ANKS1A: variants seen among roughly 807,000 people sequenced by gnomAD.
ANKS1A encodes the protein ankyrin repeat and sterile alpha motif domain containing 1A.
A neutral mutation model predicts 120.3 loss-of-function variants in ANKS1A; 55 were observed. The ratio of observed to expected loss-of-function variants is 0.46; its 90% CI spans 0.37 to 0.57. The LOEUF (loss-of-function observed/expected upper bound fraction) is 0.57. ANKS1A is among the 20% of genes least tolerant of loss of function. ANKS1A has a pLI of 0.00. For missense variants in ANKS1A, 1,123 were observed against 1,480.3 expected (o/e 0.76, Z 3.96); for synonymous variants, 590 against 604.7 (o/e 0.98, Z 0.36).
At chr6:35,068,757 C>G (rs1776921223) in intron 13 of ANKS1A, among the ~76,000 whole-genome samples, 1 of 152,130 alleles carries the variant, frequency 6.6e-6, no homozygotes, top group African/African-American at 2.4e-5. Context: ...TCTTCTCTTG[C>G]AAGAGAGGAG....
intron 13 of ANKS1A, among the ~76,000 whole-genome samples, chr6:35,076,283 T>C (rs2494098): frequency 0.8 from 121,662 of 151,612 alleles, 49,711 homozygotes; most frequent in South Asian, 0.92. Context: ...ATTAGCCAGG[T>C]GTGGTGGCGT....
intron 1 of ANKS1A, among the ~76,000 whole-genome samples, chr6:34,950,948 T>G (rs1027938580): frequency 6.6e-6 from 1 of 152,084 alleles, no homozygotes; most frequent in Non-Finnish European, 1.5e-5. Context: ...TCAAGCAGAG[T>G]CTTTGCCAGT....
chr6:34,937,224 A>G (rs1486294696), intron 1 of ANKS1A, among the ~76,000 whole-genome samples: 1 of 152,032 alleles, frequency 6.6e-6, no homozygotes, highest in Non-Finnish European at 1.5e-5. Context: ...TAATCCCAGC[A>G]CTTTGGGAGG....
rs1581764641 is a variant in ANKS1A at position 35,086,263 on chromosome 6, A to C, written c.3303+327A>C. On this transcript the variant is annotated intron_variant, in intron 22 of 23. Transcript: ENST00000360359. This position sits in a 1 kb window ranked among gnomAD's most constrained non-coding sequence, Gnocchi z 5.1. Reference sequence around the variant, plus strand: ...TGTGTCTGTGTCTGCTTTGCTCTGCACCCCAGGTGCCGCTGCCCCCCGATA... The same window carrying C: ...TGTGTCTGTGTCTGCTTTGCTCTGCCCCCCAGGTGCCGCTGCCCCCCGATA... 4 of 1,348,602 alleles carry C rather than the reference A, an allele frequency of 3.0e-6. No homozygotes were observed. The highest frequency in any genetic ancestry group is 3.9e-6 in the Non-Finnish European group (4 of 1,027,858). 83.5% of individuals were successfully genotyped at this position (1,348,602 alleles called of 1,614,324 possible). A position where few individuals can be genotyped will look rare whatever the true frequency, so the allele number is the denominator to read the frequency against.
At chr6:35,018,826 C>T (rs1235983346) in intron 11 of ANKS1A, among the ~76,000 whole-genome samples, 1 of 152,162 alleles carries the variant, frequency 6.6e-6, no homozygotes, top group Non-Finnish European at 1.5e-5. Flanking sequence ...TAATGGCCTC[C>T]AGCTGCATCC....
intron 1 of ANKS1A, among the ~76,000 whole-genome samples, chr6:34,945,767 G>A (rs1042046287): frequency 6.6e-6 from 1 of 152,104 alleles, no homozygotes; most frequent in African/African-American, 2.4e-5. Flanking sequence ...CAGATAATCT[G>A]TTCTTCCTTG....
intron 1 of ANKS1A, among the ~76,000 whole-genome samples, chr6:34,926,210 C>T (rs1768708459): frequency 6.6e-6 from 1 of 152,136 alleles, no homozygotes; most frequent in South Asian, 2.1e-4. Context: ...GGTGTGCCAC[C>T]GTGCAGAGGA....
intron 1 of ANKS1A, among the ~76,000 whole-genome samples, chr6:34,913,617 A>T (rs1170642381): frequency 6.6e-6 from 1 of 151,014 alleles, no homozygotes; most frequent in African/African-American, 2.4e-5. Context: ...TAAACAAAAT[A>T]GTTTGTTGTT....
At chr6:35,080,160 C>T (rs1197841722) in intron 16 of ANKS1A, among the ~76,000 whole-genome samples, 1 of 152,020 alleles carries the variant, frequency 6.6e-6, no homozygotes, top group Non-Finnish European at 1.5e-5. Context: ...AACACCAGGC[C>T]ATGGCTGGGT....
At chr6:35,008,000 C>T (rs979351226) in intron 10 of ANKS1A, among the ~76,000 whole-genome samples, 3 of 152,106 alleles carry the variant, frequency 2.0e-5, no homozygotes, top group African/African-American at 4.8e-5. Context: ...GGTGTGCTTC[C>T]GTCTGTAGTC....
At chr6:34,915,785 G>C (rs1377501437) in intron 1 of ANKS1A, among the ~76,000 whole-genome samples, 1 of 151,994 alleles carries the variant, frequency 6.6e-6, no homozygotes, top group East Asian at 1.9e-4. Context: ...TCCATTTTGA[G>C]GTGGACCATC....
At chr6:35,008,137 A>T (rs1007524615) in intron 10 of ANKS1A, among the ~76,000 whole-genome samples, 14 of 152,228 alleles carry the variant, frequency 9.2e-5, no homozygotes, top group African/African-American at 3.1e-4. Context: ...GTATGTTTGG[A>T]TGCTTTTTCC....
In ANKS1A at chr6:34,994,419, A is replaced by G. The variant is rs1464440897; in HGVS notation, c.1420A>G (p.Lys474Glu). Residue 474 changes from lysine to glutamate, a missense_variant, in exon 10 of 24, where the codon AAA becomes GAA. Coordinates refer to ENST00000360359, the MANE Select transcript of ANKS1A (RefSeq NM_015245.3). ...KKVVLVDGKT[K>E]DHRRSSSSRS... is the part of the protein sequence containing the mutation. ...AGTGGTGTTGGTGGATGGAAAAACA[A>G]AAGGTACGTTCCCCACAACTCCTGG... The G allele has an allele frequency of 1.8e-5, 29 of 1,611,650 alleles. No individual in the cohort carries two copies. The highest frequency in any genetic ancestry group is 2.4e-5 in the Non-Finnish European group (28 of 1,178,368).
rs118054661 is a variant in ANKS1A, at chr6:35,082,244, G to A, written c.2710-447G>A. Among the ~76,000 whole-genome samples the A allele has an allele frequency of 3.8e-4, 57 of 151,972 alleles. No individual in the cohort carries two copies. In the East Asian group the frequency reaches 7.6e-3, roughly 20 times the overall value. On this transcript the variant is annotated intron_variant, in intron 17 of 23. Transcript: ENST00000360359. This position sits in a 1 kb window ranked among gnomAD's most constrained non-coding sequence, Gnocchi z 4.1. ...TTGGAATGCATTCCTAGGCACGGGC[G>A]GGTGCTTCACTGGCTTCCCCGCTGT...
intron 11 of ANKS1A, among the ~76,000 whole-genome samples, chr6:35,033,758 A>C (rs1452586061): frequency 1.3e-5 from 2 of 152,240 alleles, no homozygotes; most frequent in African/African-American, 4.8e-5. Context: ...GATTGATCTC[A>C]ATGAAGAACG....
chr6:34,994,503 TC>T (rs1772746730), intron 10 of ANKS1A, 81 bp downstream of exon 10: 1 of 1,551,200 alleles, frequency 6.4e-7, no homozygotes, highest in South Asian at 1.2e-5. Context: ...GGGGAAGATG[TC>T]GTAACTATGA....
At chr6:35,007,333 A>G (rs1773515570) in intron 10 of ANKS1A, among the ~76,000 whole-genome samples, 1 of 152,222 alleles carries the variant, frequency 6.6e-6, no homozygotes, top group African/African-American at 2.4e-5. Context: ...TCTATGAAGT[A>G]GAAAGCCCAT....
At chr6:35,006,789 A>C (rs1773483067) in intron 10 of ANKS1A, among the ~76,000 whole-genome samples, 1 of 152,052 alleles carries the variant, frequency 6.6e-6, no homozygotes, top group Non-Finnish European at 1.5e-5. Flanking sequence ...CAAAAATCTC[A>C]TGTACCCTAC....
At chr6:35,023,320 A>G (rs1643957246) in intron 11 of ANKS1A, among the ~76,000 whole-genome samples, 1 of 152,206 alleles carries the variant, frequency 6.6e-6, no homozygotes, top group African/African-American at 2.4e-5. Context: ...TGAGTGATAC[A>G]GCAGTTTTTG....
Sources: gnomAD v4.1 joint callset for allele counts (sites outside exome capture counted in the v4.1 genomes callset) on GRCh38, gnomAD v4.1.1 for gene constraint, Gnocchi (gnomAD v3.1) non-coding constraint, MANE v1.5 for transcripts, NCBI Gene and HGNC (gene_info 2026-07-23, HGNC 2026-07-21) for gene names.